PAFAH1B1: variants seen among roughly 807,000 people sequenced by gnomAD.
PAFAH1B1 encodes the protein platelet-activating factor acetylhydrolase IB subunit beta.
In PAFAH1B1, 2 loss-of-function variants were observed where a neutral mutation model predicts 57.5. The observed-to-expected ratio is 0.03, with a 90% CI of 0.01 to 0.11. The LOEUF (loss-of-function observed/expected upper bound fraction) is 0.11, where lower values mean the gene tolerates loss of function less well. PAFAH1B1 is among the 10% of genes least tolerant of loss of function. PAFAH1B1 has a pLI of 1.00. For synonymous variants in PAFAH1B1, 152 were observed against 169.6 expected (o/e 0.90, Z 0.81); for missense variants, 257 against 512.0 (o/e 0.50, Z 4.81).
chr17:2,624,329 T>G (rs1174710703), intron 1 of PAFAH1B1, among the ~76,000 whole-genome samples: 2 of 152,210 alleles, frequency 1.3e-5, no homozygotes, highest in African/African-American at 2.4e-5. Context: ...AGTCACTTCC[T>G]CATTTCCGGG....
At chr17:2,615,851 G>A (rs1027181525) in intron 1 of PAFAH1B1, among the ~76,000 whole-genome samples, 40 of 152,282 alleles carry the variant, frequency 2.6e-4, no homozygotes, top group South Asian at 2.1e-4. Flanking sequence ...AGTCTGGTGT[G>A]GCAATAAGGA....
At chr17:2,654,939 GCTTTTTTTTTTCTT>G (rs895492305) in intron 2 of PAFAH1B1, among the ~76,000 whole-genome samples, 1 of 150,594 alleles carries the variant, frequency 6.6e-6, no homozygotes, top group Non-Finnish European at 1.5e-5. Flanking sequence ...ACCCTGCGTG[GCTTTTTTTTTTCTT>G]CTTTTTTTTT....
rs571710206 is a variant in PAFAH1B1 at position 2,638,122 on chromosome 17, A to G, written c.-167A>G. On this transcript the variant is annotated 5_prime_UTR_variant, in exon 2 of 11. Transcript: ENST00000397195. ...AGGTGGAATGAATCTTACTTGTTGA[A>G]TATCTTCTGGTTACTAGTTGGATTC... The G allele has an allele frequency of 1.8e-6, 1 of 564,560 alleles. No homozygotes were observed. The highest frequency in any genetic ancestry group is 1.9e-5 in the African/African-American group (1 of 52,970). 35.0% of individuals were successfully genotyped at this position (564,560 alleles called of 1,614,324 possible).
At chr17:2,600,818 CT>C (rs2068134887) in intron 1 of PAFAH1B1, among the ~76,000 whole-genome samples, 1 of 152,000 alleles carries the variant, frequency 6.6e-6, no homozygotes, top group African/African-American at 2.4e-5. Flanking sequence ...CAACCTCCGC[CT>C]CCTGGGTTCA....
intron 1 of PAFAH1B1, among the ~76,000 whole-genome samples, chr17:2,628,401 C>T (rs1326831457): frequency 6.6e-6 from 1 of 152,128 alleles, no homozygotes; most frequent in African/African-American, 2.4e-5. Context: ...TAAACCATCC[C>T]TGCATCCCTA....
chr17:2,666,157 C>T (rs1331471181), intron 4 of PAFAH1B1, 67 bp downstream of exon 4: 7 of 1,235,162 alleles, frequency 5.7e-6, no homozygotes, highest in African/African-American at 4.6e-5. Context: ...AAATAACATT[C>T]TTCTGCATTA....
intron 2 of PAFAH1B1, among the ~76,000 whole-genome samples, chr17:2,655,423 C>T (rs2068923830): frequency 6.6e-6 from 1 of 152,140 alleles, no homozygotes; most frequent in Admixed American, 6.6e-5. Context: ...TCTGTAATCC[C>T]AGCACCTTGG....
chr17:2,676,426 CATT>C (rs2069269279), intron 8 of PAFAH1B1, 76 bp from the exon 9 acceptor site: 7 of 885,806 alleles, frequency 7.9e-6, no homozygotes, highest in Non-Finnish European at 1.3e-5. Flanking sequence ...AAATATATAT[CATT>C]ATTAGATAGA....
At chr17:2,648,281 G>A (rs2068796203) in intron 2 of PAFAH1B1, among the ~76,000 whole-genome samples, 1 of 152,076 alleles carries the variant, frequency 6.6e-6, no homozygotes, top group Non-Finnish European at 1.5e-5. Flanking sequence ...CCACACGTGG[G>A]GATTATGGGA....
chr17:2,606,982 G>T (rs1212223257), intron 1 of PAFAH1B1, among the ~76,000 whole-genome samples: 5 of 151,282 alleles, frequency 3.3e-5, no homozygotes, highest in Non-Finnish European at 7.4e-5. Flanking sequence ...CCGCCACCAC[G>T]CCTGGCTAAC....
intron 5 of PAFAH1B1, 140 bp from the exon 6 acceptor site, chr17:2,670,022 CA>C (rs1192098502): frequency 1.3e-6 from 1 of 757,208 alleles, no homozygotes; most frequent in Admixed American, 1.9e-5. Context: ...ACATGAGATA[CA>C]ATATTTCTAA....
At chr17:2,670,130 T>C (rs754449962) in intron 5 of PAFAH1B1, 33 bp from the exon 6 acceptor site, 1 of 1,600,808 alleles carries the variant, frequency 6.2e-7, no homozygotes, top group South Asian at 1.1e-5. Flanking sequence ...AGTGATGGAG[T>C]TGGTGTTAAC....
At chr17:2,652,519 T>G (rs2068876264) in intron 2 of PAFAH1B1, among the ~76,000 whole-genome samples, 1 of 152,254 alleles carries the variant, frequency 6.6e-6, no homozygotes, top group Non-Finnish European at 1.5e-5. Context: ...TTTAAAAAAC[T>G]GACTTTTGCA....
At chr17:2,643,726 A>AT (rs1432269885) in intron 2 of PAFAH1B1, among the ~76,000 whole-genome samples, 2 of 151,652 alleles carry the variant, frequency 1.3e-5, no homozygotes, top group African/African-American at 2.4e-5. Flanking sequence ...CACCCCGCTA[A>AT]TTTTTTGTAT....
intron 3 of PAFAH1B1, 146 bp downstream of exon 3, chr17:2,665,602 T>C (rs1722239312): frequency 1.7e-6 from 1 of 574,406 alleles, no homozygotes; most frequent in East Asian, 3.0e-5. Flanking sequence ...TTTTTTTTTA[T>C]TTTTTATTTT....
chr17:2,611,544 G>C (rs957675822), intron 1 of PAFAH1B1, among the ~76,000 whole-genome samples: 1 of 152,030 alleles, frequency 6.6e-6, no homozygotes, highest in African/African-American at 2.4e-5. Context: ...TATATTGCTA[G>C]AATTTGCTTC....
intron 1 of PAFAH1B1, among the ~76,000 whole-genome samples, chr17:2,606,218 G>A (rs186627434): frequency 5.3e-4 from 81 of 152,110 alleles, no homozygotes; most frequent in African/African-American, 1.9e-3. Flanking sequence ...TTAACTATTC[G>A]ACTCCAAAAT....
chr17:2,647,887 C>T (rs1283850152), intron 2 of PAFAH1B1, among the ~76,000 whole-genome samples: 2 of 151,814 alleles, frequency 1.3e-5, no homozygotes, highest in Non-Finnish European at 2.9e-5. Flanking sequence ...GCCTTTAGTT[C>T]CAGCTACTCG....
At chr17:2,649,446 C>T (rs367807955) in intron 2 of PAFAH1B1, among the ~76,000 whole-genome samples, 26 of 151,560 alleles carry the variant, frequency 1.7e-4, no homozygotes, top group South Asian at 1.5e-3. Context: ...TGGTGGTGCG[C>T]GCCTGTAGTC....
Sources: allele counts gnomAD v4.1 joint callset (sites outside exome capture counted in the v4.1 genomes callset), GRCh38; gene constraint gnomAD v4.1.1; transcripts MANE v1.5; gene names NCBI Gene and HGNC (gene_info 2026-07-23, HGNC 2026-07-21).